Variants in CDH13 observed in about 807,000 individuals in gnomAD.
The protein encoded by CDH13 is cadherin-13.
In CDH13, 24 loss-of-function variants were observed where a neutral mutation model predicts 63.8. The observed-to-expected ratio is 0.38, with a 90% CI of 0.27 to 0.53. CDH13 has a LOEUF of 0.53. Among genes scored for constraint, CDH13 ranks in the 20% least tolerant of loss-of-function variants. The pLI, the probability that CDH13 is intolerant of heterozygous loss-of-function variation, is 0.85. For synonymous variants in CDH13, 503 were observed against 355.3 expected, an observed-to-expected ratio of 1.42 and a Z score of -4.67; for missense variants, 1,049 against 903.1, an observed-to-expected ratio of 1.16 and a Z score of -2.07.
chr16:83,067,624 G>A (rs990670760), intron 3 of CDH13, among the ~76,000 whole-genome samples: 3 of 152,314 alleles, frequency 2.0e-5, no homozygotes, highest in African/African-American at 7.2e-5. Flanking sequence ...GGGATAAAAT[G>A]CACAACCTAT....
At chr16:83,192,095 A>G (rs1052427446) in intron 4 of CDH13, among the ~76,000 whole-genome samples, 4 of 152,154 alleles carry the variant, frequency 2.6e-5, no homozygotes, top group Non-Finnish European at 5.9e-5. Flanking sequence ...TGTTATTTAT[A>G]CCACCTGGCA....
intron 1 of CDH13, among the ~76,000 whole-genome samples, chr16:82,640,212 A>T (rs915235726): frequency 1.3e-5 from 2 of 152,220 alleles, no homozygotes; most frequent in African/African-American, 4.8e-5. Flanking sequence ...CTTGGGACAG[A>T]GGATTCTTTG....
At chr16:83,726,708 G>GT (rs1910436310) in intron 10 of CDH13, among the ~76,000 whole-genome samples, 1 of 152,112 alleles carries the variant, frequency 6.6e-6, no homozygotes, top group Non-Finnish European at 1.5e-5. Context: ...CGTGGAGGCG[G>GT]GCCCCTGTAG....
chr16:82,857,457 A>G (rs981407594), intron 1 of CDH13, among the ~76,000 whole-genome samples: 1 of 152,180 alleles, frequency 6.6e-6, no homozygotes, highest in African/African-American at 2.4e-5. Context: ...ATGGCCTTAT[A>G]GCCTTTGCGT....
chr16:83,257,530 G>T (rs1282867237), intron 5 of CDH13, among the ~76,000 whole-genome samples: 3 of 152,224 alleles, frequency 2.0e-5, no homozygotes, highest in Non-Finnish European at 4.4e-5. Context: ...TCAGGGAAAG[G>T]TTCCTCCATG....
At chr16:83,025,112 C>T (rs1007444571) in intron 2 of CDH13, among the ~76,000 whole-genome samples, 2 of 152,134 alleles carry the variant, frequency 1.3e-5, no homozygotes, top group Admixed American at 1.3e-4. Flanking sequence ...AGAATTATGG[C>T]AATAATGGTG....
intron 1 of CDH13, among the ~76,000 whole-genome samples, chr16:82,795,776 C>T (rs1395591244): frequency 6.6e-6 from 1 of 152,090 alleles, no homozygotes; most frequent in African/African-American, 2.4e-5. Flanking sequence ...TGTAGTGGTG[C>T]AGTGACCCTT....
At chr16:83,556,158 A>G (rs928471085) in intron 7 of CDH13, among the ~76,000 whole-genome samples, 2 of 152,222 alleles carry the variant, frequency 1.3e-5, no homozygotes, top group African/African-American at 4.8e-5. Context: ...TCTAACTCAA[A>G]CGTTAGGAGA....
At chr16:82,886,452 T>C (rs1016912838) in intron 2 of CDH13, among the ~76,000 whole-genome samples, 1 of 152,202 alleles carries the variant, frequency 6.6e-6, no homozygotes, top group African/African-American at 2.4e-5. Context: ...TTATTGCTAT[T>C]TTATTAACTT....
At chr16:82,991,463 G>C (rs1911648165) in intron 2 of CDH13, among the ~76,000 whole-genome samples, 1 of 152,080 alleles carries the variant, frequency 6.6e-6, no homozygotes, top group South Asian at 2.1e-4. Context: ...CTTCACTTCA[G>C]TTGCCATGAA....
intron 8 of CDH13, among the ~76,000 whole-genome samples, chr16:83,614,326 G>T (rs950289146): frequency 2.0e-5 from 3 of 152,156 alleles, no homozygotes; most frequent in African/African-American, 4.8e-5. Flanking sequence ...CTTTCCTGGG[G>T]TCCTAACTGA....
At chr16:83,343,364 C>G (rs1166855987) in intron 5 of CDH13, among the ~76,000 whole-genome samples, 1 of 152,164 alleles carries the variant, frequency 6.6e-6, no homozygotes, top group African/African-American at 2.4e-5. Context: ...CACAAACATT[C>G]CTTCAACTAG....
chr16:83,032,100 C>G lies in CDH13; in HGVS notation c.248C>G (p.Ala83Gly). ...FKVNSDGGLV[A>G]LRNITAVGKT... ...GTGAACAGCGATGGCGGCTTAGTTG[C>G]TCTGAGAAACATAACTGCAGTGGGC... Residue 83 changes from alanine (A) to glycine (G), a missense_variant, in exon 3 of 14, where the codon GCT (alanine) becomes GGT (glycine). By Grantham distance (60) the Ala-to-Gly change is moderately conservative (BLOSUM62 0). Transcript: ENST00000567109. 1 of 1,613,174 alleles carries G rather than the reference C, an allele frequency of 6.2e-7. No homozygotes were observed. The highest frequency in any genetic ancestry group is 8.5e-7 in the Non-Finnish European group (1 of 1,179,612).
At position 83,081,720 on chromosome 16, in the gene CDH13, A is replaced by AG. The variant is rs1491240355; in HGVS notation, c.367-43665_367-43664insG. Among the ~76,000 whole-genome samples the AG allele has an allele frequency of 2.1e-4, 32 of 151,466 alleles. 1 individual carries two copies. In the South Asian group the frequency reaches 2.7e-3, roughly 13 times the overall value. ...GAGAGAGAGAGAAAGAGAGAGAGAG[A>AG]AAGAGCTCGCAAGGATCATCTCCTT... On this transcript the variant is annotated intron_variant, in intron 3 of 13. Transcript: ENST00000567109.
intron 2 of CDH13, among the ~76,000 whole-genome samples, chr16:82,984,244 C>G (rs186058948): frequency 2.6e-5 from 4 of 152,194 alleles, no homozygotes; most frequent in Non-Finnish European, 5.9e-5. Context: ...ATTTGAAAAC[C>G]ACACTGCTTT....
intron 5 of CDH13, among the ~76,000 whole-genome samples, chr16:83,271,057 C>T (rs1271886607): frequency 6.6e-6 from 1 of 151,772 alleles, no homozygotes; most frequent in Non-Finnish European, 1.5e-5. Context: ...CCACCAGCTC[C>T]CTGCTTTTAG....
intron 1 of CDH13, among the ~76,000 whole-genome samples, chr16:82,842,128 A>ATATATATATATG (rs2039046823): frequency 1.4e-4 from 7 of 48,582 alleles, no homozygotes; most frequent in Admixed American, 4.0e-4. Context: ...ATATATATAT[A>ATATATATATATG]TATATATATA....
intron 2 of CDH13, among the ~76,000 whole-genome samples, chr16:82,894,619 G>A (rs1376228125): frequency 2.6e-5 from 4 of 152,144 alleles, no homozygotes; most frequent in Non-Finnish European, 1.5e-5. Flanking sequence ...TCCAGCCTGG[G>A]CAACACAGCA....
At chr16:83,654,959 C>G (rs1052383477) in intron 8 of CDH13, 3 of 152,266 alleles carry the variant, frequency 2.0e-5, no homozygotes, top group African/African-American at 7.2e-5. Context: ...CATGCCGCAT[C>G]AGCCCACCTG....
Sources: gnomAD v4.1 joint callset for allele counts (sites outside exome capture counted in the v4.1 genomes callset) on GRCh38, gnomAD v4.1.1 for gene constraint, MANE v1.5 for transcripts, NCBI Gene and HGNC (gene_info 2026-07-23, HGNC 2026-07-21) for gene names.